DENND3: variants seen among roughly 807,000 people sequenced by gnomAD.
DENND3 encodes the protein DENN domain-containing protein 3.
DENND3 carries 88 observed loss-of-function variants against 135.1 expected under a neutral mutation model. The observed-to-expected ratio is 0.65, with a 90% confidence interval of 0.55 to 0.78. DENND3 has a LOEUF of 0.78. Ranked by LOEUF, DENND3 falls within the 30% of genes least tolerant of loss-of-function variation. The probability of loss-of-function intolerance (pLI) is 0.00; values close to 1 mark genes in which losing one functional copy is unlikely to be tolerated. For synonymous variants in DENND3, 693 were observed against 712.3 expected, an observed-to-expected ratio of 0.97 and a Z score of 0.43; for missense variants, 1,392 against 1,688.4, an observed-to-expected ratio of 0.82 and a Z score of 3.08.
chr8:141,162,930 A>G (rs1820316811), intron 9 of DENND3, among the ~76,000 whole-genome samples: 1 of 152,210 alleles, frequency 6.6e-6, no homozygotes, highest in African/African-American at 2.4e-5. Flanking sequence ...CAAACAGACA[A>G]ACAAACACAG....
rs142305056 is a variant in DENND3, at chr8:141,160,714, C to T, written c.1279C>T (p.Arg427Trp). 3.2e-3 allele frequency: 5,110 copies of T among 1,613,190 alleles called. 3 individuals carry two copies. The highest frequency in any genetic ancestry group is 5.3e-3 in the Middle Eastern group (32 of 6,042). ...STDLKEGRAH[R>W]RSWQQKLNCQ... ...AGACCTGAAGGAGGGCCGAGCCCAC[C>T]GGCGGTCCTGGCAGCAGAAACTCAA... is the stretch of plus-strand genomic sequence containing the variant. Residue 427 changes from arginine to tryptophan, a missense_variant, in exon 9 of 23, where the codon CGG becomes TGG. By Grantham distance (101) the Arg-to-Trp change is moderately radical (BLOSUM62 -3). Coordinates refer to ENST00000519811, the MANE Select transcript of DENND3 (RefSeq NM_001352890.3).
intron 14 of DENND3, 148 bp from the exon 15 acceptor site, chr8:141,176,443 C>G: frequency 1.1e-6 from 1 of 941,666 alleles, no homozygotes; most frequent in Non-Finnish European, 1.6e-6. Context: ...CTGCCCCTCA[C>G]CCGGGGCCCT....
In DENND3 at chr8:141,174,824, C is replaced by T. The variant is rs1032575201; in HGVS notation, c.2276-376C>T. 6.6e-6 allele frequency among the ~76,000 whole-genome samples: 1 copy of T among 152,194 alleles called. No homozygotes were observed. Among genetic ancestry groups the T allele is most frequent in the Non-Finnish European group, 1.5e-5 (1 of 68,028 alleles). On this transcript the variant is annotated intron_variant, in intron 13 of 22. Coordinates refer to ENST00000519811, the MANE Select transcript of DENND3 (RefSeq NM_001352890.3). The surrounding 1 kb of genome is among the most constrained non-coding windows in gnomAD (Gnocchi z 4.6). ...TCCCCTTGTGACCCCAAGACAGTGG[C>T]CAGCAGTTCTAGTGATGAGGAAGGT...
At position 141,144,269 on chromosome 8, in the gene DENND3, A is replaced by G. The variant is rs1184102531; in HGVS notation, c.735+10A>G. 1 of 1,592,980 alleles carries G rather than the reference A, an allele frequency of 6.3e-7. No homozygotes were observed. On this transcript the variant is annotated intron_variant, in intron 5 of 22. Transcript: ENST00000519811. This position sits in a 1 kb window ranked among gnomAD's most constrained non-coding sequence, Gnocchi z 4.4. Reference sequence around the variant, plus strand: ...TGGACCGCTCCATTTGGTAAAGTATATCTGAAATTATATTGTTTTTTCTTT... The same window carrying G: ...TGGACCGCTCCATTTGGTAAAGTATGTCTGAAATTATATTGTTTTTTCTTT...
chr8:141,165,980 G>T (rs1000772100), intron 11 of DENND3, among the ~76,000 whole-genome samples: 5 of 152,042 alleles, frequency 3.3e-5, no homozygotes, highest in African/African-American at 1.2e-4. Context: ...GCCCCTGTTG[G>T]CTTATGCTGG....
chr8:141,134,445 G>A (rs893126674), intron 1 of DENND3, among the ~76,000 whole-genome samples: 4 of 151,790 alleles, frequency 2.6e-5, no homozygotes, highest in South Asian at 2.1e-4. Flanking sequence ...ACAGGCGCCC[G>A]CCACCATGCC....
rs374954160 is a variant in DENND3 at position 141,194,050 on chromosome 8, A to C, written c.3654A>C (p.Arg1218=). The change falls in exon 23 of 23, where the codon CGA becomes CGC. Residue 1218 remains arginine (R), a synonymous_variant. Transcript: ENST00000519811. ...RVKKQVWVGS[R]GLGQGTPKGK... ...CCTGGCAGGTCTGGGTGGGCAGCCG[A>C]GGGCTGGGGCAGGGAACACCCAAGG... 2 of 1,613,420 alleles carry C rather than the reference A, an allele frequency of 1.2e-6. No homozygotes were observed. Among genetic ancestry groups the C allele is most frequent in the African/African-American group, 2.7e-5 (2 of 74,898 alleles).
chr8:141,194,519 T>G lies in DENND3; in HGVS notation c.*286T>G. On this transcript the variant is annotated 3_prime_UTR_variant, in exon 23 of 23. Transcript: ENST00000519811. The stretch of plus-strand genomic sequence containing the variant: ...TAACCTCTGCTGGGAGGTTACTTTG[T>G]TGCCTAGAAAGTTCTGGAATCCACA... 2.4e-6 allele frequency: 1 copy of G among 408,518 alleles called. No homozygotes were observed. Among genetic ancestry groups the G allele is most frequent in the Admixed American group, 3.7e-5 (1 of 26,836 alleles). The allele number at this position is 408,518 out of a possible 1,614,324, so 25.3% of individuals were successfully genotyped here.
At position 141,174,517 on chromosome 8, in the gene DENND3, C is replaced by A. The variant is rs1822071347; in HGVS notation, c.2276-683C>A. Among the ~76,000 whole-genome samples the A allele has an allele frequency of 1.3e-5, 2 of 152,154 alleles. No individual in the cohort carries two copies. The highest frequency in any genetic ancestry group is 4.8e-5 in the African/African-American group (2 of 41,436). On this transcript the variant is annotated intron_variant, in intron 13 of 22. Transcript: ENST00000519811. The surrounding 1 kb of genome is among the most constrained non-coding windows in gnomAD (Gnocchi z 4.6). ...GTCCCATCTCCCGCTGACAGATAAG[C>A]AGGTTCGTTCCGCGACTTGCCAGGA... is the stretch of plus-strand genomic sequence containing the variant.
In DENND3 at chr8:141,146,520, TA is replaced by T. The variant is rs1818162386; in HGVS notation, c.735+2264del. ...CCGTCAAACGTCTCAAAATGTTTAG[TA>T]AATGTCGATTCAGTTTCATTGTGCT... On this transcript the variant is annotated intron_variant, in intron 5 of 22. Transcript: ENST00000519811. This position sits in a 1 kb window ranked among gnomAD's most constrained non-coding sequence, Gnocchi z 4.3. 6.6e-6 allele frequency among the ~76,000 whole-genome samples: 1 copy of T among 152,364 alleles called. No homozygotes were observed. The highest frequency in any genetic ancestry group is 2.4e-5 in the African/African-American group (1 of 41,578).
At chr8:141,183,326 A>G (rs926501041) in intron 17 of DENND3, among the ~76,000 whole-genome samples, 3 of 152,004 alleles carry the variant, frequency 2.0e-5, no homozygotes, top group Non-Finnish European at 4.4e-5. Context: ...CCTCACTGCA[A>G]CCTCTGCCTC....
intron 1 of DENND3, among the ~76,000 whole-genome samples, chr8:141,131,142 AG>A (rs1371861654): frequency 1.3e-5 from 2 of 152,000 alleles, no homozygotes; most frequent in Non-Finnish European, 2.9e-5. Context: ...ATTTCCTAGA[AG>A]GGGGAGTAGT....
At position 141,182,661 on chromosome 8, in the gene DENND3, C is replaced by T. The variant is rs1172037874; in HGVS notation, c.2944+1807C>T. Among the ~76,000 whole-genome samples the T allele has an allele frequency of 6.6e-6, 1 of 152,182 alleles. No individual in the cohort carries two copies. The highest frequency in any genetic ancestry group is 2.4e-5 in the African/African-American group (1 of 41,428). ...CCGCCTTTTCCTGTGGCTGCCGATT[C>T]TGGAAGGGGTGGCCGAGAAGCTGGT... is the stretch of plus-strand genomic sequence containing the variant. On this transcript the variant is annotated intron_variant, in intron 17 of 22. Coordinates refer to ENST00000519811, the MANE Select transcript of DENND3 (RefSeq NM_001352890.3). This position sits in a 1 kb window ranked among gnomAD's most constrained non-coding sequence, Gnocchi z 5.9.
chr8:141,184,728 G>A (rs1823664856), intron 17 of DENND3: 1 of 171,550 alleles, frequency 5.8e-6, no homozygotes, highest in African/African-American at 2.4e-5. Context: ...TGAGGGTGTG[G>A]GGGGCACCAT....
At chr8:141,148,564 G>A (rs1387892121) in intron 5 of DENND3, among the ~76,000 whole-genome samples, 2 of 151,892 alleles carry the variant, frequency 1.3e-5, no homozygotes, top group Non-Finnish European at 2.9e-5. Flanking sequence ...TCTTTCCTGG[G>A]GCTCAAATCA....
At chr8:141,177,924 C>A in intron 15 of DENND3, 143 bp from the exon 16 acceptor site, 2 of 1,068,358 alleles carry the variant, frequency 1.9e-6, no homozygotes, top group African/African-American at 1.6e-5. Context: ...ACATAAAATC[C>A]AAATTCATCC....
At chr8:141,132,335 G>A (rs1379300273) in intron 1 of DENND3, among the ~76,000 whole-genome samples, 1 of 152,050 alleles carries the variant, frequency 6.6e-6, no homozygotes, top group African/African-American at 2.4e-5. Flanking sequence ...CTTTCTATTA[G>A]CTCCTTTATT....
Position 141,141,220 on chromosome 8 carries a change from C to T in DENND3, c.519C>T (p.Tyr173=), listed in dbSNP as rs758026437. The T allele has an allele frequency of 4.3e-6, 7 of 1,614,100 alleles. No individual in the cohort carries two copies. In the African/African-American group the frequency reaches 8.0e-5, roughly 18 times the overall value. ...YRPLHDEYCF[Y]NGKTHRECPG... is the part of the protein sequence containing the mutation. The stretch of plus-strand genomic sequence containing the variant: ...TCATGTAGGATGAGTACTGTTTCTA[C>T]AATGGCAAAACGCACCGGGAGTGTC... Residue 173 remains tyrosine, a synonymous_variant, in exon 4 of 23, where the codon TAC becomes TAT. Coordinates refer to ENST00000519811, the MANE Select transcript of DENND3 (RefSeq NM_001352890.3). This position sits in a 1 kb window ranked among gnomAD's most constrained non-coding sequence, Gnocchi z 5.3.
At chr8:141,188,015 T>C (rs1467313894) in intron 18 of DENND3, among the ~76,000 whole-genome samples, 1 of 126,068 alleles carries the variant, frequency 7.9e-6, no homozygotes, top group East Asian at 2.4e-4. Flanking sequence ...GGGGAAACCC[T>C]ATCTCTACTA....
Sources: gnomAD v4.1 joint callset for allele counts (sites outside exome capture counted in the v4.1 genomes callset) on GRCh38, gnomAD v4.1.1 for gene constraint, Gnocchi (gnomAD v3.1) non-coding constraint, MANE v1.5 for transcripts, NCBI Gene and HGNC (gene_info 2026-07-23, HGNC 2026-07-21) for gene names.